Variants in FGF12 observed in about 807,000 individuals in gnomAD.
FGF12 encodes fibroblast growth factor 12B.
In FGF12, 14 loss-of-function variants were observed where a neutral mutation model predicts 23.6. The observed-to-expected ratio is 0.59, with a 90% CI of 0.39 to 0.93. FGF12 has a LOEUF of 0.93. FGF12 is among the 40% of genes least tolerant of loss of function. FGF12 has a pLI of 0.00. For missense variants in FGF12, 175 were observed against 217.8 expected (o/e 0.80, Z 1.24); for synonymous variants, 62 against 77.3 (o/e 0.80, Z 1.04).
At chr3:192,321,611 C>A (rs1716543928) in intron 4 of FGF12, among the ~76,000 whole-genome samples, 1 of 151,256 alleles carries the variant, frequency 6.6e-6, no homozygotes, top group African/African-American at 2.4e-5. Flanking sequence ...TTAAAAAAAC[C>A]ATTCATCATA....
At chr3:192,280,752 G>A (rs752909505) in intron 4 of FGF12, among the ~76,000 whole-genome samples, 2 of 152,124 alleles carry the variant, frequency 1.3e-5, no homozygotes, top group African/African-American at 4.8e-5. Flanking sequence ...ACAACAGACC[G>A]TTGAGAGGTG....
In FGF12 at chr3:192,722,670, G is replaced by A. The variant is rs765721407; in HGVS notation, c.13+4511C>T. Among the ~76,000 whole-genome samples the A allele has an allele frequency of 2.0e-5, 3 of 152,012 alleles. No individual in the cohort carries two copies. In the East Asian group the frequency reaches 5.8e-4, roughly 29 times the overall value. Reference sequence around the variant, plus strand: ...ACAATCTTCTGGATCCATGAAGTTGGCCTAAAAAAACTAATTAAGGCTATC... The same window carrying A: ...ACAATCTTCTGGATCCATGAAGTTGACCTAAAAAAACTAATTAAGGCTATC... On this transcript the variant is annotated intron_variant, in intron 2 of 5. Coordinates refer to ENST00000445105, the MANE Select transcript of FGF12 (RefSeq NM_004113.6).
intron 2 of FGF12, among the ~76,000 whole-genome samples, chr3:192,649,700 C>T (rs538206303): frequency 2.7e-4 from 41 of 151,144 alleles, no homozygotes; most frequent in African/African-American, 1.0e-3. Flanking sequence ...GAATTATAGG[C>T]GTGCACCGTC....
At chr3:192,431,661 C>G (rs1721864181) in intron 2 of FGF12, among the ~76,000 whole-genome samples, 1 of 152,174 alleles carries the variant, frequency 6.6e-6, no homozygotes, top group South Asian at 2.1e-4. Flanking sequence ...ACTCAAGTAC[C>G]AAGCGTTTCT....
chr3:192,181,149 A>G (rs1220616924), intron 4 of FGF12, among the ~76,000 whole-genome samples: 2 of 152,154 alleles, frequency 1.3e-5, no homozygotes, highest in African/African-American at 4.8e-5. Flanking sequence ...TGAGAGCTGA[A>G]TGGAGATGGC....
intron 2 of FGF12, among the ~76,000 whole-genome samples, chr3:192,601,541 C>A (rs913269931): frequency 6.6e-6 from 1 of 152,008 alleles, no homozygotes; most frequent in Admixed American, 6.6e-5. Context: ...TCACAATGTA[C>A]CCCCACAGAT....
rs201613594 is a variant in FGF12 at position 192,372,087 on chromosome 3, A to T, written c.14-11549T>A. Among the ~76,000 whole-genome samples the T allele has an allele frequency of 5.9e-5, 9 of 152,332 alleles. No homozygotes were observed. The East Asian group carries it at 1.7e-3, about 29-fold the overall frequency. ...CACACAGAAAGTGTTCTGTAATAAA[A>T]GCATCCTCATTTGGCATAGAAAAAT... On this transcript the variant is annotated intron_variant, in intron 2 of 5. Transcript: ENST00000445105.
intron 4 of FGF12, among the ~76,000 whole-genome samples, chr3:192,305,384 G>A (rs909527103): frequency 6.6e-5 from 10 of 151,898 alleles, no homozygotes; most frequent in African/African-American, 2.4e-4. Flanking sequence ...CTTTGTTTGT[G>A]TTTTACTTTT....
At chr3:192,622,252 C>A (rs201183677) in intron 2 of FGF12, among the ~76,000 whole-genome samples, 21 of 152,260 alleles carry the variant, frequency 1.4e-4, no homozygotes, top group South Asian at 8.3e-4. Flanking sequence ...AAGAGACATG[C>A]GGGAACAGAG....
At chr3:192,175,193 A>T (rs1715787745) in intron 4 of FGF12, among the ~76,000 whole-genome samples, 1 of 152,224 alleles carries the variant, frequency 6.6e-6, no homozygotes, top group Non-Finnish European at 1.5e-5. Context: ...GGAAACAGGC[A>T]GGCTTGGGGT....
At chr3:192,331,630 T>G (rs1717129192) in intron 4 of FGF12, among the ~76,000 whole-genome samples, 1 of 152,100 alleles carries the variant, frequency 6.6e-6, no homozygotes, top group Non-Finnish European at 1.5e-5. Context: ...CTATATGAGA[T>G]ATCTAAAGTA....
intron 2 of FGF12, among the ~76,000 whole-genome samples, chr3:192,614,347 A>G (rs1191521170): frequency 6.6e-6 from 1 of 151,970 alleles, no homozygotes; most frequent in Non-Finnish European, 1.5e-5. Context: ...AGTGAAGAGA[A>G]TAAAATTAGA....
At chr3:192,648,391 A>G (rs140509018) in intron 2 of FGF12, among the ~76,000 whole-genome samples, 35 of 152,216 alleles carry the variant, frequency 2.3e-4, no homozygotes, top group African/African-American at 7.0e-4. Context: ...TAAGGCACTG[A>G]GATACATCTA....
At chr3:192,615,399 C>A (rs1714720168) in intron 2 of FGF12, among the ~76,000 whole-genome samples, 1 of 151,786 alleles carries the variant, frequency 6.6e-6, no homozygotes. Flanking sequence ...TAGCTAAGAT[C>A]TTGAATCATC....
At chr3:192,666,631 A>T (rs1017273342) in intron 2 of FGF12, among the ~76,000 whole-genome samples, 5 of 152,232 alleles carry the variant, frequency 3.3e-5, no homozygotes, top group African/African-American at 1.2e-4. Context: ...ACTGGAAATT[A>T]CCATGGAGGT....
intron 2 of FGF12, among the ~76,000 whole-genome samples, chr3:192,439,385 A>G (rs1002082413): frequency 3.9e-5 from 6 of 152,118 alleles, no homozygotes; most frequent in African/African-American, 1.4e-4. Context: ...AGAACATCAA[A>G]CTTTTCTCCA....
intron 4 of FGF12, among the ~76,000 whole-genome samples, chr3:192,295,005 A>T (rs1714953527): frequency 6.6e-6 from 1 of 152,186 alleles, no homozygotes; most frequent in South Asian, 2.1e-4. Flanking sequence ...CTACCAATCA[A>T]AGACAGTTCT....
intron 2 of FGF12, among the ~76,000 whole-genome samples, chr3:192,561,039 C>G (rs1238993205): frequency 6.6e-6 from 1 of 152,110 alleles, no homozygotes; most frequent in African/African-American, 2.4e-5. Context: ...TGAAAGAAGA[C>G]TGTCACAAGA....
chr3:192,534,073 G>A (rs575605827), intron 2 of FGF12: 2 of 196,338 alleles, frequency 1.0e-5, no homozygotes, highest in East Asian at 1.2e-4. Flanking sequence ...ACACATACAC[G>A]TGAACACCCA....
Sources: gnomAD v4.1 joint callset for allele counts (sites outside exome capture counted in the v4.1 genomes callset) on GRCh38, gnomAD v4.1.1 for gene constraint, MANE v1.5 for transcripts, NCBI Gene and HGNC (gene_info 2026-07-23, HGNC 2026-07-21) for gene names.